The following SSBP3 variants were observed in gnomAD, a reference collection of about 807,000 sequenced individuals.
The protein encoded by SSBP3 is single-stranded DNA-binding protein 3.
SSBP3 carries 5 observed loss-of-function variants against 69.6 expected under a neutral mutation model. The ratio of observed to expected loss-of-function variants is 0.07; its 90% CI spans 0.04 to 0.15. The LOEUF (loss-of-function observed/expected upper bound fraction) is 0.15. Among genes scored for constraint, SSBP3 ranks in the 10% least tolerant of loss-of-function variants. The pLI is 1.00. For missense variants in SSBP3, 312 were observed against 534.0 expected (o/e 0.58, Z 4.10); for synonymous variants, 196 against 193.4 (o/e 1.01, Z -0.11).
chr1:54,286,770 C>A (rs866758942), intron 4 of SSBP3: 2 of 152,226 alleles, frequency 1.3e-5, no homozygotes, highest in Non-Finnish European at 2.9e-5. Flanking sequence ...AGAGAAAGCG[C>A]CTTGGAAGCC....
chr1:54,404,180 GA>G (rs1646275956), intron 3 of SSBP3, among the ~76,000 whole-genome samples: 1 of 151,698 alleles, frequency 6.6e-6, no homozygotes, highest in African/African-American at 2.4e-5. Context: ...GGAGAAAAAG[GA>G]AGGGACAGGC....
chr1:54,337,703 C>T (rs1046097001), intron 4 of SSBP3, among the ~76,000 whole-genome samples: 3 of 151,860 alleles, frequency 2.0e-5, no homozygotes, highest in Non-Finnish European at 4.4e-5. Flanking sequence ...ACCATGTTGG[C>T]CAGGCTGGTC....
intron 7 of SSBP3, 29 bp downstream of exon 7, chr1:54,257,098 G>A (rs764459659): frequency 1.6e-5 from 26 of 1,591,424 alleles, no homozygotes; most frequent in Non-Finnish European, 2.2e-5. Flanking sequence ...GCTGAGGGAG[G>A]GGAGAGAGAA....
At chr1:54,380,584 T>C (rs546828509) in intron 4 of SSBP3, among the ~76,000 whole-genome samples, 15 of 152,364 alleles carry the variant, frequency 9.8e-5, no homozygotes, top group African/African-American at 3.6e-4. Context: ...TTCGGCTTCC[T>C]GAGAAGCTAC....
At chr1:54,386,861 C>A (rs1648126016) in intron 4 of SSBP3, among the ~76,000 whole-genome samples, 1 of 151,278 alleles carries the variant, frequency 6.6e-6, no homozygotes, top group South Asian at 2.1e-4. Context: ...ACTTTCCGAT[C>A]CCATCTTCCT....
chr1:54,278,224 CCT>C (rs1645326644), intron 5 of SSBP3, among the ~76,000 whole-genome samples: 1 of 152,170 alleles, frequency 6.6e-6, no homozygotes, highest in African/African-American at 2.4e-5. Flanking sequence ...TTTGGGGCTG[CCT>C]GGGCTCCTGT....
intron 13 of SSBP3, among the ~76,000 whole-genome samples, chr1:54,240,461 A>AG (rs1275309094): frequency 2.1e-5 from 1 of 48,574 alleles, no homozygotes; most frequent in Non-Finnish European, 4.6e-5. Context: ...ACCTCAAAAA[A>AG]GAAAAAAAAA....
At chr1:54,293,626 CCT>C (rs1645647304) in intron 4 of SSBP3, among the ~76,000 whole-genome samples, 1 of 152,190 alleles carries the variant, frequency 6.6e-6, no homozygotes, top group Non-Finnish European at 1.5e-5. Context: ...CAGGCAGGTT[CCT>C]CTCTCTGCAA....
intron 4 of SSBP3, among the ~76,000 whole-genome samples, chr1:54,346,124 T>C (rs1371651185): frequency 6.6e-6 from 1 of 150,888 alleles, no homozygotes; most frequent in Non-Finnish European, 1.5e-5. Context: ...GATCGTGCCA[T>C]TGCACTCCAG....
chr1:54,230,897 AT>A (rs1644369251), intron 14 of SSBP3, among the ~76,000 whole-genome samples: 1 of 152,130 alleles, frequency 6.6e-6, no homozygotes, highest in South Asian at 2.1e-4. Context: ...ACCACATTTC[AT>A]TTATCCATTC....
At chr1:54,302,190 A>G (rs1645814948) in intron 4 of SSBP3, among the ~76,000 whole-genome samples, 1 of 152,228 alleles carries the variant, frequency 6.6e-6, no homozygotes, top group Non-Finnish European at 1.5e-5. Flanking sequence ...GAGGACAGGA[A>G]CAGGACAACC....
intron 9 of SSBP3, among the ~76,000 whole-genome samples, chr1:54,245,783 G>A (rs980651880): frequency 2.0e-5 from 3 of 152,244 alleles, no homozygotes; most frequent in Admixed American, 6.5e-5. Context: ...AGCAGAACTC[G>A]AGACCTGAGG....
chr1:54,405,025 T>A (rs929425057), intron 1 of SSBP3, 95 bp from the exon 2 acceptor site: 1 of 1,130,378 alleles, frequency 8.8e-7, no homozygotes, highest in Admixed American at 1.9e-5. Context: ...GAGCCCTGTC[T>A]GCGCCGTCCC....
intron 4 of SSBP3, among the ~76,000 whole-genome samples, chr1:54,382,797 C>A (rs1647755903): frequency 6.6e-6 from 1 of 151,206 alleles, no homozygotes; most frequent in African/African-American, 2.4e-5. Flanking sequence ...ACCAGCCTGA[C>A]CAACTTGGAG....
intron 14 of SSBP3, among the ~76,000 whole-genome samples, chr1:54,233,216 G>A (rs1205401678): frequency 1.3e-5 from 2 of 150,932 alleles, no homozygotes; most frequent in East Asian, 3.9e-4. Context: ...GATGTGGGGA[G>A]CGCCTCTGCC....
At chr1:54,410,296 G>C (rs1474473849), upstream of SSBP3, among the ~76,000 whole-genome samples, 1 of 152,202 alleles carries the variant, frequency 6.6e-6, no homozygotes, top group African/African-American at 2.4e-5. Context: ...GGAATCCTGG[G>C]TTCTGGCACC....
chr1:54,253,372 T>C (rs1275146101), intron 7 of SSBP3, among the ~76,000 whole-genome samples: 2 of 151,592 alleles, frequency 1.3e-5, no homozygotes, highest in African/African-American at 4.9e-5. Flanking sequence ...TTAAATTTTT[T>C]GTATTGATGG....
intron 4 of SSBP3, among the ~76,000 whole-genome samples, chr1:54,284,587 C>T (rs1182924698): frequency 6.6e-6 from 1 of 151,974 alleles, no homozygotes; most frequent in African/African-American, 2.4e-5. Flanking sequence ...CCTGCCTCAG[C>T]TTCTCAGGTA....
At chr1:54,326,029 A>G (rs1478984971) in intron 4 of SSBP3, among the ~76,000 whole-genome samples, 2 of 147,968 alleles carry the variant, frequency 1.4e-5, no homozygotes, top group Admixed American at 1.3e-4. Flanking sequence ...AGGCAGGCAC[A>G]GGGGCCGAGG....
Sources: allele counts gnomAD v4.1 joint callset (sites outside exome capture counted in the v4.1 genomes callset), GRCh38; gene constraint gnomAD v4.1.1; transcripts MANE v1.5; gene names NCBI Gene and HGNC (gene_info 2026-07-23, HGNC 2026-07-21).